Variants in ADCY8 observed in about 807,000 individuals in gnomAD.
The protein encoded by ADCY8 is adenylate cyclase type 8.
ADCY8 carries 51 observed loss-of-function variants against 119.7 expected under a neutral mutation model. The observed-to-expected ratio is 0.43, with a 90% CI of 0.34 to 0.54. ADCY8 has a LOEUF of 0.54. Among genes scored for constraint, ADCY8 ranks in the 20% least tolerant of loss-of-function variants. The probability of loss-of-function intolerance (pLI) is 0.03; values close to 1 mark genes in which losing one functional copy is unlikely to be tolerated. For synonymous variants in ADCY8, 665 were observed against 651.0 expected, an observed-to-expected ratio of 1.02 and a Z score of -0.33; for missense variants, 1,383 against 1,598.8, an observed-to-expected ratio of 0.87 and a Z score of 2.30.
chr8:130,780,361 C>CAAAAAA lies in ADCY8; in HGVS notation c.*23_*28dup, dbSNP rs5895055. ...ATTTATTTTATATATAAAAGAAATA[C>CAAAAAA]AAAAAAAAAAAACAGAAAGAAAATG... On this transcript the variant is annotated 3_prime_UTR_variant, in exon 18 of 18. Transcript: ENST00000286355. 2.2e-3 allele frequency: 2,761 copies of CAAAAAA among 1,279,590 alleles called. 5 individuals carry two copies. Among genetic ancestry groups the CAAAAAA allele is most frequent in the Non-Finnish European group, 2.4e-3 (2,414 of 998,698 alleles). 79.3% of individuals were successfully genotyped at this position (1,279,590 alleles called of 1,614,324 possible).
intron 12 of ADCY8, among the ~76,000 whole-genome samples, chr8:130,826,953 A>G (rs1816686842): frequency 6.6e-6 from 1 of 152,142 alleles, no homozygotes; most frequent in African/African-American, 2.4e-5. Flanking sequence ...ATTAGGAGAA[A>G]TACCTAATGT....
At chr8:130,950,912 A>G (rs1156553037) in intron 3 of ADCY8, among the ~76,000 whole-genome samples, 1 of 152,068 alleles carries the variant, frequency 6.6e-6, no homozygotes, top group Non-Finnish European at 1.5e-5. Flanking sequence ...GTTGGCCAGG[A>G]TGGTCTCGAT....
intron 1 of ADCY8, among the ~76,000 whole-genome samples, 193 bp downstream of exon 1, chr8:131,039,181 A>G (rs1191266995): frequency 6.6e-6 from 1 of 152,234 alleles, no homozygotes; most frequent in Admixed American, 6.5e-5. Context: ...AGAAACTTTT[A>G]GAGGTCATTT....
chr8:130,990,617 T>C (rs990078233), intron 1 of ADCY8, 75 bp from the exon 2 acceptor site: 6 of 1,547,542 alleles, frequency 3.9e-6, no homozygotes, highest in Non-Finnish European at 5.3e-6. Context: ...CACAAATAAA[T>C]ATGAATTTCC....
chr8:130,859,177 T>C (rs532081662), intron 9 of ADCY8, among the ~76,000 whole-genome samples: 1 of 152,188 alleles, frequency 6.6e-6, no homozygotes, highest in Non-Finnish European at 1.5e-5. Flanking sequence ...ATGTATACAT[T>C]CTAACCTGTG....
intron 14 of ADCY8, among the ~76,000 whole-genome samples, chr8:130,806,234 A>G (rs1452770515): frequency 6.6e-6 from 1 of 152,106 alleles, no homozygotes; most frequent in African/African-American, 2.4e-5. Flanking sequence ...TGGCCCTGAG[A>G]TGCTCCACTC....
At chr8:130,971,501 A>G (rs1331730229) in intron 2 of ADCY8, among the ~76,000 whole-genome samples, 1 of 152,160 alleles carries the variant, frequency 6.6e-6, no homozygotes, top group Non-Finnish European at 1.5e-5. Flanking sequence ...TCATTTATCT[A>G]TTGAGATAAT....
At chr8:130,972,227 T>C (rs550456732) in intron 2 of ADCY8, among the ~76,000 whole-genome samples, 15 of 152,350 alleles carry the variant, frequency 9.8e-5, no homozygotes, top group Middle Eastern at 3.4e-3. Flanking sequence ...TTACTATGTG[T>C]CAAGCCCTGT....
chr8:131,032,479 A>G (rs1043004561), intron 1 of ADCY8, among the ~76,000 whole-genome samples: 1 of 152,188 alleles, frequency 6.6e-6, no homozygotes, highest in African/African-American at 2.4e-5. Context: ...ACAAGCAAAC[A>G]TAGGTTTATC....
In ADCY8 at chr8:130,787,685, T is replaced by C. The variant is rs573871987; in HGVS notation, c.3061-2210A>G. Among the ~76,000 whole-genome samples the C allele has an allele frequency of 4.8e-4, 73 of 151,926 alleles. No homozygotes were observed. In the East Asian group the frequency reaches 0.014, roughly 28 times the overall value. ...ATGTTTATGTGCACATGTATGTCCA[T>C]GTATGTGTCCACATGCATGCATTTG... On this transcript the variant is annotated intron_variant, in intron 15 of 17. Coordinates refer to ENST00000286355, the MANE Select transcript of ADCY8 (RefSeq NM_001115.3).
At chr8:130,887,893 T>G (rs1819048085) in intron 7 of ADCY8, among the ~76,000 whole-genome samples, 1 of 152,136 alleles carries the variant, frequency 6.6e-6, no homozygotes, top group Non-Finnish European at 1.5e-5. Flanking sequence ...AGTGATTCAT[T>G]TGTAATCAGT....
At chr8:131,010,520 AAGAGAGAAAAAAGAG>A (rs1187308624) in intron 1 of ADCY8, among the ~76,000 whole-genome samples, 1 of 152,182 alleles carries the variant, frequency 6.6e-6, no homozygotes, top group Non-Finnish European at 1.5e-5. Context: ...GAGAAAGAGA[AAGAGAGAAAAAAGAG>A]AGAGAGAAAA....
intron 17 of ADCY8, among the ~76,000 whole-genome samples, chr8:130,783,215 T>G (rs767289761): frequency 1.3e-5 from 2 of 152,220 alleles, no homozygotes; most frequent in Non-Finnish European, 2.9e-5. Flanking sequence ...TGGCGAGCTT[T>G]GTGGCTGAGT....
At chr8:130,969,923 G>T (rs1455924411) in intron 2 of ADCY8, among the ~76,000 whole-genome samples, 3 of 152,168 alleles carry the variant, frequency 2.0e-5, no homozygotes, top group Admixed American at 6.5e-5. Context: ...CTTTATTGAT[G>T]CAGTGTCTTT....
intron 8 of ADCY8, among the ~76,000 whole-genome samples, chr8:130,872,242 C>G (rs751439459): frequency 6.6e-6 from 1 of 152,142 alleles, no homozygotes. Context: ...CTGTGATACA[C>G]GCTTTACATG....
At chr8:131,026,070 T>C (rs1823814219) in intron 1 of ADCY8, among the ~76,000 whole-genome samples, 1 of 152,176 alleles carries the variant, frequency 6.6e-6, no homozygotes. Context: ...AAAGCATGCA[T>C]TAATGAATGA....
intron 14 of ADCY8, 86 bp from the exon 15 acceptor site, chr8:130,800,658 A>C: frequency 7.1e-7 from 1 of 1,412,148 alleles, no homozygotes; most frequent in Non-Finnish European, 9.8e-7. Context: ...ATGTGGGTAC[A>C]CACGTGCACA....
intron 1 of ADCY8, among the ~76,000 whole-genome samples, chr8:131,014,088 G>T (rs560163013): frequency 2.7e-4 from 41 of 152,256 alleles, no homozygotes; most frequent in Admixed American, 2.5e-3. Context: ...GACCAATCAA[G>T]TGGTCTCCCA....
chr8:130,831,590 A>G (rs1470297253), intron 12 of ADCY8, among the ~76,000 whole-genome samples: 1 of 152,220 alleles, frequency 6.6e-6, no homozygotes, highest in Non-Finnish European at 1.5e-5. Context: ...GTGATTTCCC[A>G]TGGTTCGAAT....
Sources: gnomAD v4.1 joint callset for allele counts (sites outside exome capture counted in the v4.1 genomes callset) on GRCh38, gnomAD v4.1.1 for gene constraint, MANE v1.5 for transcripts, NCBI Gene and HGNC (gene_info 2026-07-23, HGNC 2026-07-21) for gene names.